The following TBC1D5 variants were observed in gnomAD, a reference collection of about 807,000 sequenced individuals.
TBC1D5 encodes TBC1 domain family, member 5.
A neutral mutation model predicts 100.3 loss-of-function variants in TBC1D5; 75 were observed. The ratio of observed to expected loss-of-function variants is 0.75; its 90% CI spans 0.62 to 0.91. The LOEUF (loss-of-function observed/expected upper bound fraction) is 0.91. TBC1D5 is among the 40% of genes least tolerant of loss of function. The probability of loss-of-function intolerance (pLI) is 0.00; values close to 1 mark genes in which losing one functional copy is unlikely to be tolerated. For missense variants in TBC1D5, 910 were observed against 942.4 expected, an observed-to-expected ratio of 0.97 and a Z score of 0.45; for synonymous variants, 323 against 325.6, an observed-to-expected ratio of 0.99 and a Z score of 0.09.
At chr3:17,165,821 C>T (rs1480302613) in intron 21 of TBC1D5, among the ~76,000 whole-genome samples, 6 of 152,060 alleles carry the variant, frequency 3.9e-5, no homozygotes, top group Non-Finnish European at 5.9e-5. Context: ...TTCGTCTTAT[C>T]GGATAATGGA....
intron 1 of TBC1D5, among the ~76,000 whole-genome samples, chr3:17,665,253 C>A (rs548346093): frequency 6.6e-6 from 1 of 152,164 alleles, no homozygotes; most frequent in South Asian, 2.1e-4. Flanking sequence ...CCTAGTAAGG[C>A]CCCAGGCAAT....
At chr3:17,629,529 CAGAGTCAAACACAAGT>C (rs1246759919) in intron 1 of TBC1D5, among the ~76,000 whole-genome samples, 1 of 152,106 alleles carries the variant, frequency 6.6e-6, no homozygotes, top group Non-Finnish European at 1.5e-5. Flanking sequence ...AGTGTAAGGA[CAGAGTCAAACACAAGT>C]AGCAATACAA....
At chr3:17,317,658 A>AT (rs898552151) in intron 13 of TBC1D5, among the ~76,000 whole-genome samples, 2 of 152,190 alleles carry the variant, frequency 1.3e-5, no homozygotes, top group Non-Finnish European at 2.9e-5. Flanking sequence ...AGGAAAATGT[A>AT]TTTTTTAATG....
intron 20 of TBC1D5, 132 bp from the exon 22 acceptor site, chr3:17,167,060 CTA>C: frequency 1.1e-6 from 1 of 893,450 alleles, no homozygotes; most frequent in Non-Finnish European, 1.6e-6. Context: ...TAATATTTTA[CTA>C]TAAGAAACAA....
intron 1 of TBC1D5, among the ~76,000 whole-genome samples, chr3:17,717,165 A>T (rs2153954992): frequency 6.6e-6 from 1 of 151,708 alleles, no homozygotes; most frequent in East Asian, 2.0e-4. Context: ...CTCTGACTCT[A>T]GGGTGTAATT....
intron 3 of TBC1D5, among the ~76,000 whole-genome samples, chr3:17,507,072 A>C (rs1576416333): frequency 6.6e-6 from 1 of 152,236 alleles, no homozygotes; most frequent in Non-Finnish European, 1.5e-5. Flanking sequence ...TAACCATAGT[A>C]ATCAGAAATA....
rs115731251 is a variant in TBC1D5, at chr3:17,474,433, T to C, written c.97+34041A>G. ...TATTTAATTCATTAAAAATTGAACATTATGTGATTTATTATAAGTTTTCTG... is the reference window on the plus strand; with the variant it reads ...TATTTAATTCATTAAAAATTGAACACTATGTGATTTATTATAAGTTTTCTG... On this transcript the variant is annotated intron_variant, in intron 3 of 21. Coordinates refer to ENST00000253692, the Ensembl canonical transcript of TBC1D5. 4.7e-3 allele frequency among the ~76,000 whole-genome samples: 712 copies of C among 152,220 alleles called. 1 individual carries two copies. The highest frequency in any genetic ancestry group is 0.016 in the African/African-American group (675 of 41,538).
rs2092620954 is a variant in TBC1D5 at position 17,374,558 on chromosome 3, C to T, written c.753-18G>A. ...ACACTGCACTAAAAATAAAATAACA[C>T]AATGCTATGTAACTTTCATTAAAAT... On this transcript the variant is annotated intron_variant, in intron 11 of 21. Coordinates refer to ENST00000253692, the Ensembl canonical transcript of TBC1D5. 3 of 1,610,194 alleles carry T rather than the reference C, an allele frequency of 1.9e-6. No individual in the cohort carries two copies. Among genetic ancestry groups the T allele is most frequent in the South Asian group, 1.1e-5 (1 of 90,544 alleles).
intron 9 of TBC1D5, among the ~76,000 whole-genome samples, chr3:17,379,040 C>T (rs552008827): frequency 6.6e-6 from 1 of 151,650 alleles, no homozygotes; most frequent in East Asian, 1.9e-4. Flanking sequence ...AATAACTGTA[C>T]CATTATAAAG....
intron 1 of TBC1D5, among the ~76,000 whole-genome samples, chr3:17,657,065 A>G (rs1347599848): frequency 1.3e-5 from 2 of 152,164 alleles, no homozygotes; most frequent in Non-Finnish European, 2.9e-5. Context: ...AGTAGCAAGT[A>G]AAAAAGGCCC....
intron 2 of TBC1D5, among the ~76,000 whole-genome samples, chr3:17,571,115 T>C (rs1361517660): frequency 6.6e-6 from 1 of 151,432 alleles, no homozygotes; most frequent in Non-Finnish European, 1.5e-5. Flanking sequence ...AAATAACACA[T>C]AAAAAAACAA....
intron 2 of TBC1D5, among the ~76,000 whole-genome samples, chr3:17,548,547 A>G (rs959185681): frequency 2.6e-5 from 4 of 152,212 alleles, no homozygotes; most frequent in Non-Finnish European, 5.9e-5. Context: ...TAAAAATACT[A>G]TCATTATCTG....
At chr3:17,579,830 T>C (rs2096682168) in intron 2 of TBC1D5, among the ~76,000 whole-genome samples, 1 of 152,100 alleles carries the variant, frequency 6.6e-6, no homozygotes, top group African/African-American at 2.4e-5. Context: ...TACAGAGAGC[T>C]GGGAACTTGA....
At chr3:17,566,811 T>C (rs919634935) in intron 2 of TBC1D5, among the ~76,000 whole-genome samples, 11 of 151,828 alleles carry the variant, frequency 7.2e-5, no homozygotes, top group African/African-American at 2.7e-4. Context: ...TTAGAAGGCC[T>C]TTCTATTTAG....
At chr3:17,686,696 T>C (rs1464036860) in intron 1 of TBC1D5, among the ~76,000 whole-genome samples, 2 of 152,198 alleles carry the variant, frequency 1.3e-5, no homozygotes, top group African/African-American at 4.8e-5. Flanking sequence ...CTGAAAAATT[T>C]AGAAAATTCT....
chr3:17,229,994 C>T (rs1027460007), intron 17 of TBC1D5, among the ~76,000 whole-genome samples: 3 of 152,110 alleles, frequency 2.0e-5, no homozygotes, highest in African/African-American at 2.4e-5. Context: ...TGATGTTTCC[C>T]AAAATTCATT....
intron 2 of TBC1D5, among the ~76,000 whole-genome samples, chr3:17,595,879 C>T (rs922742587): frequency 3.3e-5 from 5 of 152,110 alleles, no homozygotes; most frequent in African/African-American, 9.7e-5. Context: ...ACCTACCTTG[C>T]TAGAAGTGTT....
intron 1 of TBC1D5, among the ~76,000 whole-genome samples, chr3:17,713,302 C>T (rs1482691909): frequency 6.8e-6 from 1 of 147,760 alleles, no homozygotes; most frequent in Admixed American, 6.9e-5. Flanking sequence ...AGTGCAGTGG[C>T]GCGATCTCAG....
rs1021529820 is a variant in TBC1D5 at position 17,607,810 on chromosome 3, T to G, written c.-36+16039A>C. ...AAGTTTACTAGAGGTTTTCTGTTAT[T>G]AAAACACTGCATTTTAGGCAACCCA... On this transcript the variant is annotated intron_variant, in intron 2 of 21. Transcript: ENST00000253692. 3.3e-5 allele frequency among the ~76,000 whole-genome samples: 5 copies of G among 152,312 alleles called. No individual in the cohort carries two copies. In the South Asian group the frequency reaches 1.0e-3, roughly 32 times the overall value.
Sources: allele counts gnomAD v4.1 joint callset (sites outside exome capture counted in the v4.1 genomes callset), GRCh38; gene constraint gnomAD v4.1.1; transcripts MANE v1.5; gene names NCBI Gene and HGNC (gene_info 2026-07-23, HGNC 2026-07-21).